The following CNTNAP2 variants were observed in gnomAD, a reference collection of about 807,000 sequenced individuals.
CNTNAP2 encodes the protein contactin-associated protein-like 2.
In CNTNAP2, 98 loss-of-function variants were observed where a neutral mutation model predicts 155.2. That is an observed-to-expected ratio of 0.63 (90% confidence interval 0.54 to 0.75). CNTNAP2 has a LOEUF of 0.75. Ranked by LOEUF, CNTNAP2 falls within the 30% of genes least tolerant of loss-of-function variation. CNTNAP2 has a pLI of 0.00. For synonymous variants in CNTNAP2, 651 were observed against 631.2 expected (o/e 1.03, Z -0.47); for missense variants, 1,727 against 1,688.1 (o/e 1.02, Z -0.40).
At chr7:147,227,946 T>C (rs769911118) in intron 8 of CNTNAP2, among the ~76,000 whole-genome samples, 11 of 152,126 alleles carry the variant, frequency 7.2e-5, no homozygotes, top group Non-Finnish European at 1.3e-4. Context: ...CTGATCTTCA[T>C]TTGCACTCTA....
rs571004043 is a variant in CNTNAP2, at chr7:148,387,654, G to GACTT, written c.3715+3769_3715+3772dup. On this transcript the variant is annotated intron_variant, in intron 22 of 23. Coordinates refer to ENST00000361727, the MANE Select transcript of CNTNAP2 (RefSeq NM_014141.6). ...GTGTTTTTTAGCATGGTTCCCAGGT[G>GACTT]ACTTACCACTGCAATTTAAAAGCTC... Among the ~76,000 whole-genome samples the GACTT allele has an allele frequency of 2.3e-3, 352 of 152,216 alleles. 3 individuals are homozygous for GACTT. The highest frequency in any genetic ancestry group is 3.4e-3 in the Non-Finnish European group (234 of 68,020).
chr7:147,785,398 C>T (rs1253411569), intron 13 of CNTNAP2, among the ~76,000 whole-genome samples: 1 of 152,046 alleles, frequency 6.6e-6, no homozygotes, highest in Non-Finnish European at 1.5e-5. Flanking sequence ...CCAAAGGAGC[C>T]AGTGAACTTT....
intron 1 of CNTNAP2, among the ~76,000 whole-genome samples, chr7:146,535,522 T>TTTA (rs1288100601): frequency 6.4e-5 from 7 of 110,126 alleles, no homozygotes; most frequent in African/African-American, 3.8e-4. Context: ...TCAATCAACA[T>TTTA]TTGTTTATTT....
At chr7:146,819,573 C>T (rs754612545) in intron 2 of CNTNAP2, among the ~76,000 whole-genome samples, 2 of 152,092 alleles carry the variant, frequency 1.3e-5, no homozygotes, top group Non-Finnish European at 2.9e-5. Flanking sequence ...CCCATCTAAT[C>T]TCATCTTTCA....
At chr7:146,422,315 A>G (rs960126757) in intron 1 of CNTNAP2, among the ~76,000 whole-genome samples, 3 of 150,086 alleles carry the variant, frequency 2.0e-5, no homozygotes, top group African/African-American at 7.3e-5. Context: ...ATATAAGAAT[A>G]TATACATAAG....
chr7:147,038,598 C>A (rs1799201995), intron 3 of CNTNAP2, among the ~76,000 whole-genome samples: 1 of 152,134 alleles, frequency 6.6e-6, no homozygotes, highest in Non-Finnish European at 1.5e-5. Flanking sequence ...TCCATTCCTG[C>A]AGTTTTGTTT....
chr7:148,008,123 G>C (rs543797935), intron 15 of CNTNAP2, among the ~76,000 whole-genome samples: 1 of 151,998 alleles, frequency 6.6e-6, no homozygotes, highest in Non-Finnish European at 1.5e-5. Context: ...CAGCACTTTG[G>C]GAGGCCGAGG....
chr7:146,604,742 C>A (rs546594323), intron 1 of CNTNAP2, among the ~76,000 whole-genome samples: 7 of 138,620 alleles, frequency 5.0e-5, no homozygotes, highest in African/African-American at 1.8e-4. Flanking sequence ...TACTATGCAG[C>A]CATAAAAAAT....
At chr7:147,906,739 C>T (rs1799964352) in intron 14 of CNTNAP2, among the ~76,000 whole-genome samples, 3 of 152,134 alleles carry the variant, frequency 2.0e-5, no homozygotes, top group Non-Finnish European at 4.4e-5. Flanking sequence ...GGATTATAGG[C>T]GTGAGCCACG....
chr7:147,675,462 G>C (rs527330512), intron 13 of CNTNAP2, among the ~76,000 whole-genome samples: 1 of 152,070 alleles, frequency 6.6e-6, no homozygotes, highest in Non-Finnish European at 1.5e-5. Context: ...TGTCGATCCT[G>C]GTTCAACTCT....
intron 1 of CNTNAP2, among the ~76,000 whole-genome samples, chr7:146,163,529 A>ATATATATCTATATC (rs1457387622): frequency 8.5e-6 from 1 of 117,464 alleles, no homozygotes; most frequent in Admixed American, 8.9e-5. Context: ...ATATATATCT[A>ATATATATCTATATC]TATATATCTA....
chr7:148,028,998 A>G (rs1271038314), intron 15 of CNTNAP2, among the ~76,000 whole-genome samples: 1 of 152,190 alleles, frequency 6.6e-6, no homozygotes, highest in Non-Finnish European at 1.5e-5. Flanking sequence ...TCCCAATCAT[A>G]TTTTGTACAA....
chr7:147,328,464 G>A (rs777183019), intron 9 of CNTNAP2, among the ~76,000 whole-genome samples: 81 of 152,262 alleles, frequency 5.3e-4, no homozygotes, highest in African/African-American at 1.8e-3. Flanking sequence ...CACAATGGAC[G>A]GTTCCTCAGC....
At chr7:146,424,183 C>G (rs1360708851) in intron 1 of CNTNAP2, among the ~76,000 whole-genome samples, 1 of 152,136 alleles carries the variant, frequency 6.6e-6, no homozygotes, top group Non-Finnish European at 1.5e-5. Flanking sequence ...TCATCTGCCT[C>G]GAATTCTCAA....
At chr7:146,982,787 G>T (rs189444928) in intron 3 of CNTNAP2, among the ~76,000 whole-genome samples, 5 of 152,136 alleles carry the variant, frequency 3.3e-5, no homozygotes, top group Admixed American at 1.3e-4. Flanking sequence ...CATGTCAAAA[G>T]GTCCAGAGAA....
chr7:146,140,541 C>T (rs924548668), intron 1 of CNTNAP2, among the ~76,000 whole-genome samples: 3 of 152,032 alleles, frequency 2.0e-5, no homozygotes, highest in Admixed American at 6.6e-5. Context: ...TCATTCTTAG[C>T]CATTAAAATA....
chr7:147,888,686 C>T (rs543759324), intron 13 of CNTNAP2, among the ~76,000 whole-genome samples: 7 of 151,454 alleles, frequency 4.6e-5, no homozygotes, highest in Admixed American at 1.3e-4. Context: ...ATTAAACTGA[C>T]CATTGACTTC....
intron 1 of CNTNAP2, among the ~76,000 whole-genome samples, chr7:146,625,734 C>A (rs1167720095): frequency 6.6e-6 from 1 of 151,924 alleles, no homozygotes; most frequent in African/African-American, 2.4e-5. Context: ...TTTCAAAAGA[C>A]CATGTTTTTT....
intron 1 of CNTNAP2, among the ~76,000 whole-genome samples, chr7:146,269,997 G>C (rs966929691): frequency 9.9e-5 from 15 of 152,200 alleles, no homozygotes; most frequent in Non-Finnish European, 1.9e-4. Context: ...TCATCACTCA[G>C]GACTTCATAC....
Sources: allele counts gnomAD v4.1 joint callset (sites outside exome capture counted in the v4.1 genomes callset), GRCh38; gene constraint gnomAD v4.1.1; transcripts MANE v1.5; gene names NCBI Gene and HGNC (gene_info 2026-07-23, HGNC 2026-07-21).